The following AFF3 variants were observed in gnomAD, a reference collection of about 807,000 sequenced individuals.
AFF3 encodes AF4/FMR2 family member 3.
AFF3 carries 32 observed loss-of-function variants against 129.7 expected under a neutral mutation model. That is an observed-to-expected ratio of 0.25 (90% confidence interval 0.19 to 0.33). AFF3 has a LOEUF of 0.33. Among genes scored for constraint, AFF3 ranks in the 10% least tolerant of loss-of-function variants. The probability of loss-of-function intolerance (pLI) is 1.00; values close to 1 mark genes in which losing one functional copy is unlikely to be tolerated. For synonymous variants in AFF3, 644 were observed against 635.4 expected (o/e 1.01, Z -0.20); for missense variants, 1,373 against 1,592.0 (o/e 0.86, Z 2.34).
intron 1 of AFF3, among the ~76,000 whole-genome samples, chr2:100,132,851 A>T (rs1002935829): frequency 4.3e-4 from 65 of 151,920 alleles, no homozygotes; most frequent in Non-Finnish European, 7.2e-4. Context: ...TAAAAATTTT[A>T]AAAAATTGAA....
chr2:99,950,609 A>T (rs1394589518), intron 7 of AFF3, among the ~76,000 whole-genome samples: 1 of 152,216 alleles, frequency 6.6e-6, no homozygotes, highest in African/African-American at 2.4e-5. Context: ...CTAAATTGTC[A>T]TATCCATGAA....
At chr2:99,672,217 C>CACAA (rs1247839544) in intron 12 of AFF3, among the ~76,000 whole-genome samples, 1 of 29,270 alleles carries the variant, frequency 3.4e-5, no homozygotes, top group Non-Finnish European at 5.8e-5. Context: ...CACACACACA[C>CACAA]ACACACACAC....
At chr2:99,552,823 C>T (rs1003803333) in intron 24 of AFF3, among the ~76,000 whole-genome samples, 4 of 152,238 alleles carry the variant, frequency 2.6e-5, no homozygotes, top group Non-Finnish European at 5.9e-5. Flanking sequence ...GGCCTGCTCA[C>T]AGTCTCCCAA....
chr2:99,676,193 G>A (rs891005366), intron 11 of AFF3, among the ~76,000 whole-genome samples: 2 of 152,010 alleles, frequency 1.3e-5, no homozygotes, highest in South Asian at 2.1e-4. Context: ...CCCCTTTCAC[G>A]TTCCCTTAGC....
intron 11 of AFF3, among the ~76,000 whole-genome samples, chr2:99,675,074 T>C (rs893037303): frequency 1.3e-4 from 20 of 152,200 alleles, no homozygotes; most frequent in African/African-American, 4.6e-4. Context: ...CTCATCATCA[T>C]TTCCAGAAGA....
chr2:100,028,184 C>T (rs1684201136), intron 4 of AFF3, among the ~76,000 whole-genome samples: 1 of 151,968 alleles, frequency 6.6e-6, no homozygotes, highest in Non-Finnish European at 1.5e-5. Flanking sequence ...GTGGTGTCTC[C>T]CAGGCAGCTT....
intron 15 of AFF3, among the ~76,000 whole-genome samples, chr2:99,589,728 C>A (rs1678481654): frequency 6.6e-6 from 1 of 152,004 alleles, no homozygotes; most frequent in African/African-American, 2.4e-5. Context: ...GATGGAGAAA[C>A]TGATGTTCAG....
At chr2:99,880,027 G>A (rs1692590951) in intron 7 of AFF3, among the ~76,000 whole-genome samples, 1 of 152,200 alleles carries the variant, frequency 6.6e-6, no homozygotes, top group African/African-American at 2.4e-5. Context: ...ATAAGTCAAA[G>A]CTGGATTCCC....
chr2:99,860,727 A>T (rs911762500), intron 7 of AFF3, among the ~76,000 whole-genome samples: 1 of 151,778 alleles, frequency 6.6e-6, no homozygotes, highest in Non-Finnish European at 1.5e-5. Flanking sequence ...CTCCGTCTCA[A>T]GAAAAAAAAA....
At chr2:100,008,769 G>A in intron 5 of AFF3, 43 bp downstream of exon 5, 3 of 1,600,588 alleles carry the variant, frequency 1.9e-6, no homozygotes, top group East Asian at 2.2e-5. Flanking sequence ...GGGAGTGAGA[G>A]AAACAAGTGA....
intron 2 of AFF3, chr2:100,107,441 C>A: frequency 1.0e-6 from 1 of 985,154 alleles, no homozygotes; most frequent in Non-Finnish European, 1.2e-6. Flanking sequence ...AATGTCAGAA[C>A]TAAAAGGGAA....
At chr2:99,880,480 G>A (rs1442238940) in intron 7 of AFF3, among the ~76,000 whole-genome samples, 1 of 152,154 alleles carries the variant, frequency 6.6e-6, no homozygotes, top group Non-Finnish European at 1.5e-5. Context: ...GGCATTCTGA[G>A]GTGGTGGGTG....
At chr2:100,033,116 G>C (rs577023471) in intron 4 of AFF3, among the ~76,000 whole-genome samples, 5 of 152,230 alleles carry the variant, frequency 3.3e-5, no homozygotes, top group Admixed American at 2.0e-4. Context: ...CCTTGCATAT[G>C]CCATACCCAT....
intron 11 of AFF3, among the ~76,000 whole-genome samples, chr2:99,681,461 A>G (rs1455625339): frequency 2.0e-5 from 3 of 152,200 alleles, no homozygotes; most frequent in South Asian, 2.1e-4. Flanking sequence ...ACAAGCTGCT[A>G]TGGTCTGAAT....
intron 13 of AFF3, among the ~76,000 whole-genome samples, chr2:99,618,849 A>G (rs925372045): frequency 3.3e-5 from 5 of 152,218 alleles, no homozygotes; most frequent in Non-Finnish European, 5.9e-5. Context: ...TTTTGTTTCC[A>G]TAAACCTGGC....
chr2:100,052,329 C>T (rs768865442), intron 4 of AFF3, among the ~76,000 whole-genome samples: 19 of 152,102 alleles, frequency 1.2e-4, no homozygotes, highest in Non-Finnish European at 2.4e-4. Context: ...TGGGAAGTTA[C>T]GAAGAAAAAG....
At chr2:99,704,246 T>C (rs2104808175) in intron 11 of AFF3, among the ~76,000 whole-genome samples, 1 of 152,308 alleles carries the variant, frequency 6.6e-6, no homozygotes, top group Admixed American at 6.5e-5. Flanking sequence ...AATCTCAGCT[T>C]TGGGCTTTTA....
chr2:99,656,142 T>C (rs536828157), intron 12 of AFF3, among the ~76,000 whole-genome samples: 1 of 152,334 alleles, frequency 6.6e-6, no homozygotes, highest in East Asian at 1.9e-4. Context: ...AGTAGCTAGC[T>C]GGATGCATGC....
intron 11 of AFF3, among the ~76,000 whole-genome samples, chr2:99,710,390 G>A (rs889341884): frequency 6.6e-6 from 1 of 152,050 alleles, no homozygotes; most frequent in African/African-American, 2.4e-5. Context: ...CCAAGTAGCT[G>A]GGATTACAGG....
Sources: gnomAD v4.1 joint callset for allele counts (sites outside exome capture counted in the v4.1 genomes callset) on GRCh38, gnomAD v4.1.1 for gene constraint, MANE v1.5 for transcripts, NCBI Gene and HGNC (gene_info 2026-07-23, HGNC 2026-07-21) for gene names.